The following GPC5 variants were observed in gnomAD, a reference collection of about 807,000 sequenced individuals.
GPC5 encodes glypican-5.
GPC5 carries 47 observed loss-of-function variants against 53.9 expected under a neutral mutation model. The observed-to-expected ratio is 0.87, with a 90% CI of 0.69 to 1.11. GPC5 has a LOEUF of 1.11. GPC5 is among the 50% of genes most tolerant of loss of function. GPC5 has a pLI of 0.00. For synonymous variants in GPC5, 286 were observed against 263.3 expected, an observed-to-expected ratio of 1.09 and a Z score of -0.84; for missense variants, 748 against 713.1, an observed-to-expected ratio of 1.05 and a Z score of -0.56.
At chr13:92,667,292 T>C (rs751424313) in intron 7 of GPC5, among the ~76,000 whole-genome samples, 4 of 152,034 alleles carry the variant, frequency 2.6e-5, no homozygotes, top group Admixed American at 1.3e-4. Context: ...TGGTGTCATC[T>C]AGAGAGGGAG....
rs2039647129 is a variant in GPC5 at position 91,915,249 on chromosome 13, A to G, written c.1401+7192A>G. 2.0e-5 allele frequency among the ~76,000 whole-genome samples: 3 copies of G among 152,312 alleles called. No individual in the cohort carries two copies. The South Asian group carries it at 6.2e-4, about 32-fold the overall frequency. On this transcript the variant is annotated intron_variant, in intron 6 of 7. Coordinates refer to ENST00000377067, the MANE Select transcript of GPC5 (RefSeq NM_004466.6). The stretch of plus-strand genomic sequence containing the variant: ...GCACGCTCAATAACTTTCAATGGTC[A>G]TCTAATTTAGCAATTAGTTTGTCTG...
intron 5 of GPC5, among the ~76,000 whole-genome samples, chr13:91,794,923 C>T (rs903685640): frequency 1.3e-5 from 2 of 151,920 alleles, no homozygotes; most frequent in African/African-American, 4.8e-5. Flanking sequence ...CTACTGAATA[C>T]AGAGTAAATT....
chr13:91,550,250 G>A (rs1246330283), intron 2 of GPC5, among the ~76,000 whole-genome samples: 5 of 151,986 alleles, frequency 3.3e-5, no homozygotes, highest in Non-Finnish European at 7.4e-5. Context: ...GTGGGGTGAA[G>A]GATTAATAGG....
intron 2 of GPC5, among the ~76,000 whole-genome samples, chr13:91,659,263 G>C (rs1484821456): frequency 6.6e-6 from 1 of 152,154 alleles, no homozygotes; most frequent in Admixed American, 6.6e-5. Flanking sequence ...TATAGTGTCA[G>C]GTGCAAGCCA....
At chr13:92,651,948 TA>T (rs34093227) in intron 7 of GPC5, among the ~76,000 whole-genome samples, 1 of 151,700 alleles carries the variant, frequency 6.6e-6, no homozygotes, top group East Asian at 1.9e-4. Context: ...ATACATTATG[TA>T]AAAAAAAGCA....
chr13:91,775,715 A>T (rs1227519506), intron 5 of GPC5, among the ~76,000 whole-genome samples: 1 of 152,170 alleles, frequency 6.6e-6, no homozygotes, highest in Non-Finnish European at 1.5e-5. Flanking sequence ...CATCCCTTAC[A>T]CTTGATGTAT....
chr13:91,656,486 A>G (rs1345386478), intron 2 of GPC5, among the ~76,000 whole-genome samples: 1 of 152,216 alleles, frequency 6.6e-6, no homozygotes, highest in Non-Finnish European at 1.5e-5. Flanking sequence ...GAGTAGGAGA[A>G]CTATGTGTTG....
intron 2 of GPC5, among the ~76,000 whole-genome samples, chr13:91,611,859 A>G (rs1366451815): frequency 1.3e-5 from 2 of 152,124 alleles, no homozygotes; most frequent in African/African-American, 4.8e-5. Flanking sequence ...TCCTGATGAG[A>G]CATACACCTG....
intron 6 of GPC5, among the ~76,000 whole-genome samples, chr13:92,094,520 CAAAAAAAAAAAAA>C (rs71200562): frequency 1.5e-3 from 105 of 68,224 alleles, no homozygotes; most frequent in African/African-American, 6.3e-3. Flanking sequence ...GACTCCGTCT[CAAAAAAAAAAAAA>C]AAAAAAAAAA....
chr13:91,793,266 G>T (rs991148049), intron 5 of GPC5, among the ~76,000 whole-genome samples: 1 of 152,194 alleles, frequency 6.6e-6, no homozygotes, highest in East Asian at 1.9e-4. Context: ...ATCTTGTGAG[G>T]CTTATTCACT....
At chr13:91,446,615 A>G (rs1880823758) in intron 1 of GPC5, among the ~76,000 whole-genome samples, 1 of 152,150 alleles carries the variant, frequency 6.6e-6, no homozygotes, top group South Asian at 2.1e-4. Flanking sequence ...TTCTATTTAC[A>G]ATAGGAGCCT....
At chr13:91,680,231 A>G (rs2035475739) in intron 2 of GPC5, among the ~76,000 whole-genome samples, 1 of 152,266 alleles carries the variant, frequency 6.6e-6, no homozygotes, top group South Asian at 2.1e-4. Flanking sequence ...GGGGCAGATC[A>G]TGAGGTCAGG....
At chr13:91,684,885 C>G (rs1019037366) in intron 2 of GPC5, among the ~76,000 whole-genome samples, 25 of 152,186 alleles carry the variant, frequency 1.6e-4, no homozygotes, top group African/African-American at 5.6e-4. Context: ...TATTCTCACT[C>G]ACTGAGCTCC....
At chr13:91,751,952 G>A (rs550254359) in intron 4 of GPC5, among the ~76,000 whole-genome samples, 2 of 152,296 alleles carry the variant, frequency 1.3e-5, no homozygotes, top group Non-Finnish European at 2.9e-5. Flanking sequence ...CACAGACTGG[G>A]TGGCTTAAAC....
At chr13:92,248,037 A>G (rs1382238644) in intron 7 of GPC5, among the ~76,000 whole-genome samples, 1 of 152,110 alleles carries the variant, frequency 6.6e-6, no homozygotes, top group Non-Finnish European at 1.5e-5. Flanking sequence ...AGTTATCAGG[A>G]CGTTGAAGAT....
chr13:92,099,620 G>A (rs183408395), intron 6 of GPC5, among the ~76,000 whole-genome samples: 49 of 152,202 alleles, frequency 3.2e-4, no homozygotes, highest in Admixed American at 1.0e-3. Context: ...CTATTTGTAG[G>A]TTGGTAAAAG....
chr13:92,488,150 C>T (rs1230855943), intron 7 of GPC5, among the ~76,000 whole-genome samples: 2 of 151,942 alleles, frequency 1.3e-5, no homozygotes, highest in African/African-American at 4.8e-5. Context: ...TGTGTACAGG[C>T]ATATAAGTTT....
intron 6 of GPC5, among the ~76,000 whole-genome samples, chr13:91,944,116 G>C (rs1356408938): frequency 6.7e-6 from 1 of 150,160 alleles, no homozygotes; most frequent in Non-Finnish European, 1.5e-5. Flanking sequence ...TTTTTTTTAA[G>C]ACTGAGTCTG....
intron 7 of GPC5, among the ~76,000 whole-genome samples, chr13:92,590,233 G>A (rs375822426): frequency 6.6e-6 from 1 of 152,044 alleles, no homozygotes; most frequent in South Asian, 2.1e-4. Context: ...CAGAAAGCTA[G>A]GGGCATGCAT....
Sources: allele counts gnomAD v4.1 joint callset (sites outside exome capture counted in the v4.1 genomes callset), GRCh38; gene constraint gnomAD v4.1.1; transcripts MANE v1.5; gene names NCBI Gene and HGNC (gene_info 2026-07-23, HGNC 2026-07-21).